Variants in SORCS3 observed in about 807,000 individuals in gnomAD.
SORCS3 encodes the protein VPS10 domain-containing receptor SorCS3.
SORCS3 carries 57 observed loss-of-function variants against 146.3 expected under a neutral mutation model. That is an observed-to-expected ratio of 0.39 (90% CI 0.31 to 0.49). The LOEUF is 0.49. SORCS3 is among the 20% of genes least tolerant of loss of function. SORCS3 has a pLI of 0.92. For missense variants in SORCS3, 1,341 were observed against 1,575.5 expected (o/e 0.85, Z 2.52); for synonymous variants, 653 against 618.5 (o/e 1.06, Z -0.83).
At chr10:104,975,056 G>C (rs1490085914) in intron 3 of SORCS3, among the ~76,000 whole-genome samples, 3 of 152,060 alleles carry the variant, frequency 2.0e-5, no homozygotes, top group African/African-American at 7.2e-5. Context: ...AGTTTCTGCC[G>C]AGAGATCCCC....
At chr10:104,856,978 G>A (rs3976793) in intron 2 of SORCS3, among the ~76,000 whole-genome samples, 26,940 of 149,668 alleles carry the variant, frequency 0.18, 5,502 homozygotes, top group African/African-American at 0.51. Context: ...AAACAAAGGC[G>A]TGTGAGAGAG....
At chr10:105,185,537 G>A (rs1463199298) in intron 14 of SORCS3, among the ~76,000 whole-genome samples, 1 of 151,932 alleles carries the variant, frequency 6.6e-6, no homozygotes, top group South Asian at 2.1e-4. Context: ...TTTTAAATTT[G>A]TGATTCACAA....
In SORCS3 at chr10:104,955,663, G is replaced by C. The variant is rs549354822; in HGVS notation, c.796-21672G>C. ...TAACTTACTTTGGCCCATGAATGCA[G>C]TGAGAGTGGAGATGAGTATTGCTGA... On this transcript the variant is annotated intron_variant, in intron 3 of 26. Transcript: ENST00000369701. Among the ~76,000 whole-genome samples the C allele has an allele frequency of 3.9e-5, 6 of 152,318 alleles. No individual in the cohort carries two copies. The South Asian group carries it at 1.2e-3, about 32-fold the overall frequency.
chr10:104,795,162 A>T (rs2017540461), intron 1 of SORCS3, among the ~76,000 whole-genome samples: 1 of 152,230 alleles, frequency 6.6e-6, no homozygotes, highest in Admixed American at 6.5e-5. Flanking sequence ...TTTATAACAA[A>T]ATAGTATACA....
intron 2 of SORCS3, among the ~76,000 whole-genome samples, chr10:104,881,563 C>G (rs938321995): frequency 6.6e-6 from 1 of 152,062 alleles, no homozygotes; most frequent in Non-Finnish European, 1.5e-5. Context: ...AAAGAGAATT[C>G]TTTTAATAGA....
chr10:105,050,895 C>T (rs1312966927), intron 5 of SORCS3, among the ~76,000 whole-genome samples: 1 of 152,172 alleles, frequency 6.6e-6, no homozygotes, highest in East Asian at 1.9e-4. Flanking sequence ...TCATTGTTAT[C>T]AACTTTAGAT....
At chr10:105,192,023 AAT>A (rs2056520005) in intron 14 of SORCS3, among the ~76,000 whole-genome samples, 1 of 151,680 alleles carries the variant, frequency 6.6e-6, no homozygotes, top group African/African-American at 2.4e-5. Context: ...TTTTAAATAA[AAT>A]GATGGTGATG....
intron 17 of SORCS3, among the ~76,000 whole-genome samples, chr10:105,212,290 T>G (rs2056638708): frequency 6.6e-6 from 1 of 152,228 alleles, no homozygotes; most frequent in Non-Finnish European, 1.5e-5. Context: ...CTCAAGGATC[T>G]TTGCTGTTAT....
At position 104,841,362 on chromosome 10, in the gene SORCS3, A is replaced by T. The variant is rs367680907; in HGVS notation, c.628-1430A>T. Among the ~76,000 whole-genome samples, 5 of 152,086 alleles carry T rather than the reference A, an allele frequency of 3.3e-5. No homozygotes were observed. The East Asian group carries it at 9.6e-4, about 29-fold the overall frequency. ...GTGTGCTATTAATACATACTCTTTG[A>T]TTTGTGCTGTGGTAGGTAGTAGGAC... On this transcript the variant is annotated intron_variant, in intron 1 of 26. Coordinates refer to ENST00000369701, the MANE Select transcript of SORCS3 (RefSeq NM_014978.3).
At chr10:104,696,705 G>A (rs1271468553) in intron 1 of SORCS3, among the ~76,000 whole-genome samples, 17 of 60,390 alleles carry the variant, frequency 2.8e-4, no homozygotes, top group African/African-American at 1.1e-3. Context: ...TATTATATAC[G>A]TATATATAAT....
intron 1 of SORCS3, among the ~76,000 whole-genome samples, chr10:104,783,106 T>C (rs2017393322): frequency 6.6e-6 from 1 of 152,222 alleles, no homozygotes; most frequent in African/African-American, 2.4e-5. Context: ...TCACTTTGCG[T>C]GGAATGATTC....
At chr10:104,712,052 C>T (rs556131179) in intron 1 of SORCS3, among the ~76,000 whole-genome samples, 73 of 152,306 alleles carry the variant, frequency 4.8e-4, no homozygotes, top group Admixed American at 2.4e-3. Context: ...ACATAAGTTT[C>T]TCCCCTTTCC....
At chr10:105,042,146 A>G (rs1479316365) in intron 4 of SORCS3, among the ~76,000 whole-genome samples, 2 of 152,206 alleles carry the variant, frequency 1.3e-5, no homozygotes, top group Non-Finnish European at 2.9e-5. Flanking sequence ...CTTATGACTC[A>G]TAGTCTAGCA....
intron 19 of SORCS3, among the ~76,000 whole-genome samples, chr10:105,220,171 T>G (rs922294644): frequency 6.6e-6 from 1 of 152,188 alleles, no homozygotes; most frequent in African/African-American, 2.4e-5. Flanking sequence ...TCTCTTCTCA[T>G]TGATCCTTGG....
At chr10:104,706,424 G>T (rs574375515) in intron 1 of SORCS3, among the ~76,000 whole-genome samples, 1 of 151,990 alleles carries the variant, frequency 6.6e-6, no homozygotes, top group Non-Finnish European at 1.5e-5. Flanking sequence ...GGCCAGGATG[G>T]TCTCCATCTC....
intron 4 of SORCS3, among the ~76,000 whole-genome samples, chr10:104,984,060 C>T (rs2054948067): frequency 6.6e-6 from 1 of 152,152 alleles, no homozygotes; most frequent in Non-Finnish European, 1.5e-5. Flanking sequence ...CACTACCTTC[C>T]ACCCTCAGTG....
intron 7 of SORCS3, among the ~76,000 whole-genome samples, chr10:105,128,322 T>C (rs769514452): frequency 1.3e-5 from 2 of 152,232 alleles, no homozygotes; most frequent in African/African-American, 4.8e-5. Context: ...GCTTGACAGA[T>C]GGCTTAAATC....
intron 2 of SORCS3, among the ~76,000 whole-genome samples, chr10:104,908,707 G>A (rs1359605912): frequency 6.6e-6 from 1 of 152,206 alleles, no homozygotes; most frequent in Non-Finnish European, 1.5e-5. Flanking sequence ...AATATCAAAA[G>A]CACACATGTA....
At chr10:105,245,740 T>C (rs192933160) in intron 21 of SORCS3, 75 bp downstream of exon 21, 53 of 1,518,508 alleles carry the variant, frequency 3.5e-5, no homozygotes, top group African/African-American at 5.5e-5. Flanking sequence ...CCTACAATCA[T>C]TGAGTGTGGT....
Sources: allele counts gnomAD v4.1 joint callset (sites outside exome capture counted in the v4.1 genomes callset), GRCh38; gene constraint gnomAD v4.1.1; transcripts MANE v1.5; gene names NCBI Gene and HGNC (gene_info 2026-07-23, HGNC 2026-07-21).